MLLT3: variants seen among roughly 807,000 people sequenced by gnomAD.
The protein encoded by MLLT3 is MLLT3 super elongation complex subunit.
In MLLT3, 4 loss-of-function variants were observed where a neutral mutation model predicts 53.2. That is an observed-to-expected ratio of 0.08 (90% CI 0.04 to 0.17). The LOEUF (loss-of-function observed/expected upper bound fraction) is 0.17. Ranked by LOEUF, MLLT3 falls within the 10% of genes least tolerant of loss-of-function variation. The probability of loss-of-function intolerance (pLI) is 1.00; values close to 1 mark genes in which losing one functional copy is unlikely to be tolerated. For missense variants in MLLT3, 569 were observed against 684.0 expected (o/e 0.83, Z 1.87); for synonymous variants, 283 against 230.6 (o/e 1.23, Z -2.06).
chr9:20,544,792 A>G (rs1434711092), intron 2 of MLLT3, among the ~76,000 whole-genome samples: 2 of 152,298 alleles, frequency 1.3e-5, no homozygotes, highest in African/African-American at 4.8e-5. Flanking sequence ...CCCACGTTCA[A>G]TGAAGCATTA....
chr9:20,574,616 G>C (rs1377549183), intron 2 of MLLT3, among the ~76,000 whole-genome samples: 1 of 152,190 alleles, frequency 6.6e-6, no homozygotes, highest in East Asian at 1.9e-4. Context: ...ATGATCATCT[G>C]GGTCTTCTGC....
intron 2 of MLLT3, among the ~76,000 whole-genome samples, chr9:20,565,782 A>G (rs1051146985): frequency 1.3e-5 from 2 of 150,810 alleles, no homozygotes; most frequent in African/African-American, 2.4e-5. Context: ...AGACTAGATA[A>G]GCTAGTCACT....
chr9:20,616,617 A>G (rs1383226315), intron 2 of MLLT3, among the ~76,000 whole-genome samples: 1 of 152,320 alleles, frequency 6.6e-6, no homozygotes, highest in East Asian at 1.9e-4. Flanking sequence ...GTATAGACAT[A>G]CGTATACTTA....
intron 2 of MLLT3, among the ~76,000 whole-genome samples, chr9:20,488,724 T>C (rs963552141): frequency 2.6e-5 from 4 of 152,214 alleles, no homozygotes; most frequent in African/African-American, 9.6e-5. Context: ...GAGGCTCCAA[T>C]TCACTGAAAA....
intron 2 of MLLT3, among the ~76,000 whole-genome samples, chr9:20,476,551 AT>A (rs937340441): frequency 5.8e-4 from 88 of 152,296 alleles, no homozygotes; most frequent in African/African-American, 2.0e-3. Context: ...TAATTCAAAA[AT>A]AAATGGTAAT....
chr9:20,345,015 T>C lies in MLLT3; in HGVS notation c.*1428A>G, dbSNP rs1820830973. 4.6e-6 allele frequency: 1 copy of C among 216,316 alleles called. No individual in the cohort carries two copies. The highest frequency in any genetic ancestry group is 5.8e-5 in the Admixed American group (1 of 17,212). 13.4% of individuals were successfully genotyped at this position (216,316 alleles called of 1,614,324 possible). The stretch of plus-strand genomic sequence containing the variant: ...GAAGATGAGCTGTTCTTACTTTTCA[T>C]TTCTCCACTTATGGAGAAGATGGAA... On this transcript the variant is annotated 3_prime_UTR_variant, in exon 11 of 11. Coordinates refer to ENST00000380338, the MANE Select transcript of MLLT3 (RefSeq NM_004529.4).
At chr9:20,457,936 C>T (rs915841529) in intron 2 of MLLT3, among the ~76,000 whole-genome samples, 2 of 152,170 alleles carry the variant, frequency 1.3e-5, no homozygotes, top group African/African-American at 4.8e-5. Flanking sequence ...ATCAAGGCCA[C>T]ACACACTGAT....
intron 2 of MLLT3, among the ~76,000 whole-genome samples, chr9:20,571,066 C>T (rs371350008): frequency 1.1e-4 from 17 of 152,332 alleles, no homozygotes; most frequent in African/African-American, 4.1e-4. Context: ...TATAGAAAAG[C>T]ACACAGTGGC....
At chr9:20,525,302 G>A (rs2118986739) in intron 2 of MLLT3, among the ~76,000 whole-genome samples, 1 of 152,194 alleles carries the variant, frequency 6.6e-6, no homozygotes, top group African/African-American at 2.4e-5. Context: ...TTTGAGACCA[G>A]TCTGGCCAAC....
At chr9:20,483,572 A>G (rs1314774799) in intron 2 of MLLT3, among the ~76,000 whole-genome samples, 1 of 151,756 alleles carries the variant, frequency 6.6e-6, no homozygotes, top group African/African-American at 2.4e-5. Flanking sequence ...ATGTGCACCT[A>G]ATTTTTTAAA....
rs1168647058 is a variant in MLLT3, at chr9:20,585,543, T to A, written c.193+35111A>T. 2.0e-5 allele frequency among the ~76,000 whole-genome samples: 3 copies of A among 152,194 alleles called. No homozygotes were observed. In the East Asian group the frequency reaches 5.8e-4, roughly 29 times the overall value. ...TGTCACTGTGCACTCCCACCAGCAG[T>A]GAATGTGAGTCCCTGTGGATCCACA... On this transcript the variant is annotated intron_variant, in intron 2 of 10. Transcript: ENST00000380338.
At chr9:20,514,587 T>C (rs1817856292) in intron 2 of MLLT3, among the ~76,000 whole-genome samples, 1 of 152,058 alleles carries the variant, frequency 6.6e-6, no homozygotes, top group Non-Finnish European at 1.5e-5. Context: ...GCCTGGCCCA[T>C]GGGACAATCT....
At chr9:20,512,081 T>C (rs1426978764) in intron 2 of MLLT3, among the ~76,000 whole-genome samples, 1 of 152,214 alleles carries the variant, frequency 6.6e-6, no homozygotes, top group Non-Finnish European at 1.5e-5. Flanking sequence ...CTTCATGCAC[T>C]TAACCTAGCA....
rs1563820559 is a variant in MLLT3, at chr9:20,565,962, ATATATTTATATATATATATATT to A, written c.193+54670_193+54691del. Among the ~76,000 whole-genome samples, 27 of 37,726 alleles carry A rather than the reference ATATATTTATATATATATATATT, an allele frequency of 7.2e-4. 1 individual carries two copies. Among genetic ancestry groups the A allele is most frequent in the South Asian group, 5.8e-3 (6 of 1,026 alleles). 24.7% of individuals were successfully genotyped at this position (37,726 alleles called of 152,430 possible). ...TTTATATATATATATATTTATATAT[ATATATTTATATATATATATATT>A]TATTTATATATTTATTTATATATAT... On this transcript the variant is annotated intron_variant, in intron 2 of 10. Transcript: ENST00000380338.
At chr9:20,516,705 C>G (rs191989812) in intron 2 of MLLT3, among the ~76,000 whole-genome samples, 1 of 152,280 alleles carries the variant, frequency 6.6e-6, no homozygotes, top group Admixed American at 6.5e-5. Context: ...CAAGTAGTTA[C>G]AACAATGTAG....
chr9:20,451,606 C>T (rs751025301), intron 3 of MLLT3, among the ~76,000 whole-genome samples: 3 of 152,194 alleles, frequency 2.0e-5, no homozygotes, highest in Non-Finnish European at 2.9e-5. Flanking sequence ...AGAAGGCAGA[C>T]ATCGACATTA....
chr9:20,578,127 G>C (rs1228432690), intron 2 of MLLT3, among the ~76,000 whole-genome samples: 1 of 152,144 alleles, frequency 6.6e-6, no homozygotes, highest in Non-Finnish European at 1.5e-5. Flanking sequence ...TTAGTGGCTG[G>C]CATGATAGAA....
intron 2 of MLLT3, among the ~76,000 whole-genome samples, chr9:20,480,813 T>A (rs974880820): frequency 2.0e-5 from 3 of 152,212 alleles, no homozygotes. Context: ...GGGCCTCATA[T>A]AATGATAGGT....
At chr9:20,558,475 C>G (rs1055318541) in intron 2 of MLLT3, among the ~76,000 whole-genome samples, 1 of 152,142 alleles carries the variant, frequency 6.6e-6, no homozygotes. Flanking sequence ...TGCAATATAA[C>G]TTTTTCATTG....
Sources: allele counts gnomAD v4.1 joint callset (sites outside exome capture counted in the v4.1 genomes callset), GRCh38; gene constraint gnomAD v4.1.1; transcripts MANE v1.5; gene names NCBI Gene and HGNC (gene_info 2026-07-23, HGNC 2026-07-21).